The following FAM222B variants were observed in gnomAD, a reference collection of about 807,000 sequenced individuals.
FAM222B encodes the protein protein FAM222B.
In FAM222B, 12 loss-of-function variants were observed where a neutral mutation model predicts 38.0. The observed-to-expected ratio is 0.32, with a 90% CI of 0.20 to 0.51. FAM222B has a LOEUF of 0.51. Among genes scored for constraint, FAM222B ranks in the 20% least tolerant of loss-of-function variants. The probability of loss-of-function intolerance (pLI) is 0.97; values close to 1 mark genes in which losing one functional copy is unlikely to be tolerated. For missense variants in FAM222B, 716 were observed against 754.2 expected (o/e 0.95, Z 0.59); for synonymous variants, 329 against 317.2 (o/e 1.04, Z -0.40).
intron 2 of FAM222B, 40 bp downstream of exon 2, chr17:28,766,542 AAAAC>A (rs1167345810): frequency 6.5e-7 from 1 of 1,530,838 alleles, no homozygotes; most frequent in East Asian, 2.4e-5. Context: ...TGTAGAGACA[AAAAC>A]AAAGAATCAC....
chr17:28,779,490 G>A (rs916041613), intron 1 of FAM222B, among the ~76,000 whole-genome samples: 4 of 152,108 alleles, frequency 2.6e-5, no homozygotes, highest in South Asian at 4.1e-4. Flanking sequence ...GGTGGCTCAA[G>A]CCTGTAATCC....
chr17:28,808,102 G>A (rs2037576719), intron 1 of FAM222B, among the ~76,000 whole-genome samples: 1 of 152,108 alleles, frequency 6.6e-6, no homozygotes, highest in Admixed American at 6.6e-5. Context: ...GCCCTCAATT[G>A]TTTACTCTGT....
In FAM222B at chr17:28,758,462, G is replaced by A. The variant is rs371941436; in HGVS notation, c.1497C>T (p.Thr499=). 114 of 1,613,582 alleles carry A rather than the reference G, an allele frequency of 7.1e-5. No homozygotes were observed. The highest frequency in any genetic ancestry group is 1.5e-4 in the Admixed American group (9 of 60,012). ...AAPGAHYRAG[T]GGGPVASQNS... ...TCTGGCTTGCCACTGGACCGCCCCC[G>A]GTCCCTGCTCGGTAGTGGGCCCCGG... is the stretch of plus-strand genomic sequence containing the variant. The change falls in exon 3 of 3, where the codon ACC becomes ACT. Residue 499 remains threonine, a synonymous_variant. Transcript: ENST00000581407.
At chr17:28,818,840 C>A (rs1250425483) in intron 1 of FAM222B, among the ~76,000 whole-genome samples, 1 of 152,186 alleles carries the variant, frequency 6.6e-6, no homozygotes, top group Non-Finnish European at 1.5e-5. Context: ...AAAAGTTTCA[C>A]ACACATAGAC....
rs2151750406 is a variant in FAM222B at position 28,758,064 on chromosome 17, G to C, written c.*206C>G. 4.0e-6 allele frequency: 2 copies of C among 505,224 alleles called. No homozygotes were observed. Among genetic ancestry groups the C allele is most frequent in the Non-Finnish European group, 6.9e-6 (2 of 289,238 alleles). 31.3% of individuals were successfully genotyped at this position (505,224 alleles called of 1,614,324 possible). On this transcript the variant is annotated 3_prime_UTR_variant, in exon 3 of 3. Transcript: ENST00000581407. ...AGAGAAAAGCCTGGGCTTAGGGTTA[G>C]GTTCTAACATAAAACCAAAAGTTGC... is the stretch of plus-strand genomic sequence containing the variant.
intron 1 of FAM222B, among the ~76,000 whole-genome samples, chr17:28,813,678 G>C (rs962295075): frequency 2.0e-5 from 3 of 151,626 alleles, no homozygotes; most frequent in African/African-American, 7.3e-5. Context: ...TGGGACTACA[G>C]GTGGCCGCCA....
chr17:28,835,579 C>G (rs2038817089), intron 1 of FAM222B, among the ~76,000 whole-genome samples: 1 of 152,182 alleles, frequency 6.6e-6, no homozygotes, highest in African/African-American at 2.4e-5. Context: ...TATGTTGTTT[C>G]TAGATTTGCA....
chr17:28,822,862 TATACACAC>T (rs1212374627), intron 1 of FAM222B, among the ~76,000 whole-genome samples: 8 of 93,258 alleles, frequency 8.6e-5, no homozygotes, highest in African/African-American at 3.7e-4. Flanking sequence ...TATATATATA[TATACACAC>T]ATATATATAT....
intron 1 of FAM222B, among the ~76,000 whole-genome samples, chr17:28,821,509 A>G (rs910982611): frequency 1.3e-5 from 2 of 152,218 alleles, no homozygotes; most frequent in East Asian, 3.8e-4. Flanking sequence ...TTGACAGCTG[A>G]GAAAACTGAT....
At chr17:28,843,438 G>A (rs2039109438), upstream of FAM222B, among the ~76,000 whole-genome samples, 1 of 145,004 alleles carries the variant, frequency 6.9e-6, no homozygotes, top group Non-Finnish European at 1.5e-5. Flanking sequence ...CGCCCAGCCT[G>A]GGTCTTTTTT....
intron 1 of FAM222B, among the ~76,000 whole-genome samples, chr17:28,850,597 C>T (rs988473445): frequency 2.0e-5 from 3 of 152,102 alleles, no homozygotes; most frequent in Non-Finnish European, 2.9e-5. Flanking sequence ...CGCGCCCGGC[C>T]GGCCACATGA....
intron 1 of FAM222B, among the ~76,000 whole-genome samples, chr17:28,841,626 G>C (rs1372752099): frequency 6.6e-6 from 1 of 152,054 alleles, no homozygotes; most frequent in Non-Finnish European, 1.5e-5. Context: ...CGCCCGCCTC[G>C]GCCTCCCAAA....
chr17:28,824,906 C>G (rs866529967), intron 1 of FAM222B, among the ~76,000 whole-genome samples: 14 of 152,254 alleles, frequency 9.2e-5, no homozygotes, highest in Middle Eastern at 6.8e-3. Flanking sequence ...GCTGGGATTA[C>G]AGGCATGTGC....
chr17:28,801,383 G>A (rs1597963182), intron 1 of FAM222B, among the ~76,000 whole-genome samples: 2 of 151,248 alleles, frequency 1.3e-5, no homozygotes, highest in Non-Finnish European at 3.0e-5. Context: ...AACCCCGGGG[G>A]GCGGAGGCTG....
At position 28,801,151 on chromosome 17, in the gene FAM222B, C is replaced by T. The variant is rs144274688; in HGVS notation, c.-40-34444G>A. Among the ~76,000 whole-genome samples, 687 of 136,312 alleles carry T rather than the reference C, an allele frequency of 5.0e-3. 3 individuals carry two copies. Among genetic ancestry groups the T allele is most frequent in the African/African-American group, 0.018 (670 of 36,240 alleles). 89.4% of individuals were successfully genotyped at this position (136,312 alleles called of 152,430 possible). Reference sequence around the variant, plus strand: ...CAGCTTGGACGACAGAGCGAGACTCCGTCTCAAAGAAAAAAAAAAAGACCA... The same window carrying T: ...CAGCTTGGACGACAGAGCGAGACTCTGTCTCAAAGAAAAAAAAAAAGACCA... On this transcript the variant is annotated intron_variant, in intron 1 of 2. Transcript: ENST00000581407.
Position 28,766,617 on chromosome 17 carries a change from A to T in FAM222B, c.51T>A (p.Ser17=). The T allele has an allele frequency of 6.2e-7, 1 of 1,606,096 alleles. No individual in the cohort carries two copies. Among genetic ancestry groups the T allele is most frequent in the South Asian group, 1.1e-5 (1 of 89,298 alleles). ...GAAGTCCAGTGTTCATCTGCGTGTG[A>T]GAAAGAAGCTGAAAGGACAGGTCAC... is the stretch of plus-strand genomic sequence containing the variant. ...GPGDLSFQLL[S]HTQMNTGLQK... is the part of the protein sequence containing the mutation. Residue 17 remains serine (S), a synonymous_variant, in exon 2 of 3, where the codon TCT becomes TCA. Coordinates refer to ENST00000581407, the MANE Select transcript of FAM222B (RefSeq NM_001077498.3).
At position 28,794,381 on chromosome 17, in the gene FAM222B, G is replaced by A. The variant is rs142536082; in HGVS notation, c.-40-27674C>T. On this transcript the variant is annotated intron_variant, in intron 1 of 2. Transcript: ENST00000581407. ...ACTACAAACACGTGCCACCATGCCC[G>A]GCTAATTTTTGTATTTTTAGTAGAG... 8.0e-3 allele frequency among the ~76,000 whole-genome samples: 1,213 copies of A among 151,750 alleles called. 14 individuals are homozygous for A. Among genetic ancestry groups the A allele is most frequent in the African/African-American group, 0.028 (1,153 of 41,406 alleles).
At chr17:28,797,477 G>A (rs186134286) in intron 1 of FAM222B, among the ~76,000 whole-genome samples, 36 of 152,250 alleles carry the variant, frequency 2.4e-4, no homozygotes, top group African/African-American at 8.2e-4. Context: ...TTGTTCAACA[G>A]CAATAGAGAA....
intron 1 of FAM222B, among the ~76,000 whole-genome samples, chr17:28,793,798 T>G (rs1440602054): frequency 6.7e-6 from 1 of 149,618 alleles, no homozygotes; most frequent in Non-Finnish European, 1.5e-5. Context: ...CAGGCTGGAG[T>G]GCAATGGTGC....
Sources: gnomAD v4.1 joint callset for allele counts (sites outside exome capture counted in the v4.1 genomes callset) on GRCh38, gnomAD v4.1.1 for gene constraint, MANE v1.5 for transcripts, NCBI Gene and HGNC (gene_info 2026-07-23, HGNC 2026-07-21) for gene names.